The following TOGARAM1 variants were observed in gnomAD, a reference collection of about 807,000 sequenced individuals.
TOGARAM1 encodes the protein TOG array regulator of axonemal microtubules 1.
In TOGARAM1, 100 loss-of-function variants were observed where a neutral mutation model predicts 166.6. That is an observed-to-expected ratio of 0.60 (90% CI 0.51 to 0.71). The LOEUF (loss-of-function observed/expected upper bound fraction) is 0.71, where lower values mean the gene tolerates loss of function less well. TOGARAM1 is among the 30% of genes least tolerant of loss of function. The pLI, the probability that TOGARAM1 is intolerant of heterozygous loss-of-function variation, is 0.00. For synonymous variants in TOGARAM1, 758 were observed against 763.8 expected (o/e 0.99, Z 0.13); for missense variants, 2,029 against 2,102.7 (o/e 0.96, Z 0.69).
chr14:45,052,817 A>G (rs57177994), intron 15 of TOGARAM1, among the ~76,000 whole-genome samples: 2,640 of 152,306 alleles, frequency 0.017, 87 homozygotes, highest in African/African-American at 0.06. Context: ...GGAGTTAACA[A>G]GACATGGGTT....
At chr14:45,017,501 C>G (rs1880223587) in intron 7 of TOGARAM1, among the ~76,000 whole-genome samples, 1 of 152,062 alleles carries the variant, frequency 6.6e-6, no homozygotes, top group African/African-American at 2.4e-5. Flanking sequence ...CTCCCAGATG[C>G]CCAGTTAGGT....
intron 16 of TOGARAM1, among the ~76,000 whole-genome samples, chr14:45,061,087 G>C (rs72672916): frequency 0.032 from 4,874 of 151,948 alleles, 109 homozygotes; most frequent in Non-Finnish European, 0.049. Context: ...TATATTCATT[G>C]GTTGATTTTT....
chr14:45,020,758 G>T (rs1422231875), intron 7 of TOGARAM1, among the ~76,000 whole-genome samples: 1 of 152,152 alleles, frequency 6.6e-6, no homozygotes, highest in African/African-American at 2.4e-5. Flanking sequence ...ACTGGGAGTT[G>T]GTTGTGTCTA....
chr14:44,998,607 TG>T (rs1179623234), intron 2 of TOGARAM1, among the ~76,000 whole-genome samples: 1 of 152,070 alleles, frequency 6.6e-6, no homozygotes, highest in African/African-American at 2.4e-5. Flanking sequence ...CATTCCAGCC[TG>T]GGCAATAAGA....
rs1238283408 is a variant in TOGARAM1 at position 45,033,255 on chromosome 14, A to AC, written c.3812+879_3812+880insC. 9.3e-5 allele frequency among the ~76,000 whole-genome samples: 14 copies of AC among 151,112 alleles called. No individual in the cohort carries two copies. In the East Asian group the frequency reaches 2.5e-3, roughly 27 times the overall value. The stretch of plus-strand genomic sequence containing the variant: ...GCAACAGAGTGAAACTCTGTCTCAA[A>AC]AAAAAAAAAAAAAAATAGAAGTTCT... On this transcript the variant is annotated intron_variant, in intron 11 of 19. Transcript: ENST00000361462.
chr14:45,018,424 A>G (rs1023350441), intron 7 of TOGARAM1, among the ~76,000 whole-genome samples: 1 of 151,966 alleles, frequency 6.6e-6, no homozygotes, highest in African/African-American at 2.4e-5. Context: ...TGTATTTTTC[A>G]GTAGAGACAG....
chr14:45,030,304 A>T (rs1464797023), intron 10 of TOGARAM1, among the ~76,000 whole-genome samples: 1 of 152,122 alleles, frequency 6.6e-6, no homozygotes, highest in Non-Finnish European at 1.5e-5. Context: ...ATCTCTTTCT[A>T]ATGAGTTATT....
At position 45,027,418 on chromosome 14, in the gene TOGARAM1, G is replaced by A. The variant is rs762913418; in HGVS notation, c.3448G>A (p.Gly1150Arg). The A allele has an allele frequency of 1.2e-6, 2 of 1,613,316 alleles. No homozygotes were observed. The highest frequency in any genetic ancestry group is 2.2e-5 in the South Asian group (2 of 90,910). The change falls in exon 9 of 20, where the codon GGA becomes AGA. Residue 1150 changes from glycine (G) to arginine (R), a missense_variant. Gly to Arg is a moderately radical substitution (Grantham distance 125). Coordinates refer to ENST00000361462, the MANE Select transcript of TOGARAM1 (RefSeq NM_001308120.2). ...QSIEPPSGIY[G>R]RSVQQNISSY... ...TATTGAACCACCATCAGGGATTTAT[G>A]GAAGATCAGTCCAGCAAAATATTTC...
intron 10 of TOGARAM1, among the ~76,000 whole-genome samples, chr14:45,030,174 T>C (rs73348091): frequency 0.012 from 1,849 of 152,280 alleles, 31 homozygotes; most frequent in African/African-American, 0.041. Flanking sequence ...CTACTTTCAA[T>C]TGATATTCTA....
chr14:45,010,014 C>G (rs1879697613), intron 6 of TOGARAM1, among the ~76,000 whole-genome samples: 1 of 152,174 alleles, frequency 6.6e-6, no homozygotes, highest in Non-Finnish European at 1.5e-5. Context: ...CACATTCTTG[C>G]TAACATTTGG....
Position 45,068,341 on chromosome 14 carries a change from A to G in TOGARAM1, c.4750-83A>G. 5.0e-6 allele frequency: 5 copies of G among 994,974 alleles called. No individual in the cohort carries two copies. In the South Asian group the frequency reaches 8.9e-5, roughly 18 times the overall value. 61.6% of individuals were successfully genotyped at this position (994,974 alleles called of 1,614,324 possible). On this transcript the variant is annotated intron_variant, in intron 17 of 19. Transcript: ENST00000361462. The stretch of plus-strand genomic sequence containing the variant: ...ATTTAAACTGAGTAAAGTAGGAGAA[A>G]TATTATGACATGCCAAGATACTTAT...
chr14:44,975,094 C>A (rs543515264), intron 1 of TOGARAM1, among the ~76,000 whole-genome samples: 1 of 151,932 alleles, frequency 6.6e-6, no homozygotes, highest in Non-Finnish European at 1.5e-5. Flanking sequence ...TTTTTATATA[C>A]CAGAAAGCAA....
chr14:45,032,137 GCAACAC>G, intron 10 of TOGARAM1, 80 bp from the exon 11 acceptor site: 1 of 1,216,950 alleles, frequency 8.2e-7, no homozygotes, highest in Non-Finnish European at 1.1e-6. Flanking sequence ...CCTAGCCTGG[GCAACAC>G]AGCGAGACTC....
At chr14:44,995,701 G>T (rs1397931898) in intron 1 of TOGARAM1, 45 bp from the exon 2 acceptor site, 2 of 1,351,408 alleles carry the variant, frequency 1.5e-6, no homozygotes, top group Non-Finnish European at 1.0e-6. Flanking sequence ...TTATTACCAG[G>T]AAGAATTAAC....
intron 14 of TOGARAM1, among the ~76,000 whole-genome samples, chr14:45,049,238 C>G (rs949038607): frequency 6.6e-6 from 1 of 151,778 alleles, no homozygotes; most frequent in Admixed American, 6.6e-5. Context: ...CAGACTTCCT[C>G]TTTTTGTACC....
intron 1 of TOGARAM1, among the ~76,000 whole-genome samples, chr14:44,966,582 A>G: frequency 6.6e-6 from 1 of 152,240 alleles, no homozygotes; most frequent in Non-Finnish European, 1.5e-5. Context: ...TTGTATGTGT[A>G]ATAATTACAT....
intron 10 of TOGARAM1, among the ~76,000 whole-genome samples, chr14:45,030,742 T>C (rs1234279378): frequency 6.6e-6 from 1 of 152,164 alleles, no homozygotes; most frequent in Non-Finnish European, 1.5e-5. Flanking sequence ...TTGTTAGATA[T>C]ATGATGAATT....
intron 16 of TOGARAM1, among the ~76,000 whole-genome samples, chr14:45,060,674 A>G (rs542582203): frequency 6.6e-6 from 1 of 152,346 alleles, no homozygotes; most frequent in African/African-American, 2.4e-5. Context: ...ACATCTATTC[A>G]GAGCATACTG....
At position 45,033,936 on chromosome 14, in the gene TOGARAM1, T is replaced by C. The variant is rs140836179; in HGVS notation, c.3812+1560T>C. Among the ~76,000 whole-genome samples, 527 of 152,190 alleles carry C rather than the reference T, an allele frequency of 3.5e-3. 9 individuals are homozygous for C. Among genetic ancestry groups the C allele is most frequent in the East Asian group, 0.022 (113 of 5,182 alleles). ...TCAGCACTTTGGGAGGCCAGATGAC[T>C]TGAGGTCAGGAGTTCGAGACCAGCC... is the stretch of plus-strand genomic sequence containing the variant. On this transcript the variant is annotated intron_variant, in intron 11 of 19. Coordinates refer to ENST00000361462, the MANE Select transcript of TOGARAM1 (RefSeq NM_001308120.2).
Sources: gnomAD v4.1 joint callset for allele counts (sites outside exome capture counted in the v4.1 genomes callset) on GRCh38, gnomAD v4.1.1 for gene constraint, MANE v1.5 for transcripts, NCBI Gene and HGNC (gene_info 2026-07-23, HGNC 2026-07-21) for gene names.